Variants in ERC2 observed in about 807,000 individuals in gnomAD.
ERC2 encodes the protein ERC protein 2.
ERC2 carries 42 observed loss-of-function variants against 114.8 expected under a neutral mutation model. The ratio of observed to expected loss-of-function variants is 0.37; its 90% CI spans 0.29 to 0.47. The LOEUF is 0.47. ERC2 is among the 20% of genes least tolerant of loss of function. ERC2 has a pLI of 0.99. For missense variants in ERC2, 939 were observed against 1,150.7 expected, an observed-to-expected ratio of 0.82 and a Z score of 2.66; for synonymous variants, 454 against 425.5, an observed-to-expected ratio of 1.07 and a Z score of -0.82.
intron 13 of ERC2, among the ~76,000 whole-genome samples, chr3:55,914,118 T>C (rs147604681): frequency 6.6e-5 from 10 of 152,256 alleles, no homozygotes; most frequent in African/African-American, 2.4e-4. Flanking sequence ...AAGTGATCAA[T>C]TTAAAAAATA....
intron 13 of ERC2, among the ~76,000 whole-genome samples, chr3:55,946,397 T>C (rs1439035088): frequency 6.6e-6 from 1 of 152,242 alleles, no homozygotes; most frequent in African/African-American, 2.4e-5. Context: ...GGAATTTCCA[T>C]TTACTGGTGT....
chr3:56,064,582 C>T (rs1192842465), intron 7 of ERC2, among the ~76,000 whole-genome samples: 2 of 152,188 alleles, frequency 1.3e-5, no homozygotes, highest in African/African-American at 2.4e-5. Flanking sequence ...CTAAGGAAGA[C>T]CTCACCCTTG....
chr3:55,568,757 A>G (rs1237702188), intron 17 of ERC2, among the ~76,000 whole-genome samples: 1 of 152,162 alleles, frequency 6.6e-6, no homozygotes, highest in Non-Finnish European at 1.5e-5. Flanking sequence ...CTCAGGACCA[A>G]CATCTGCCAC....
At chr3:56,324,057 G>C (rs2057248256) in intron 2 of ERC2, among the ~76,000 whole-genome samples, 1 of 152,180 alleles carries the variant, frequency 6.6e-6, no homozygotes, top group Admixed American at 6.5e-5. Flanking sequence ...GCACATCACA[G>C]GCACAGCTAA....
At chr3:55,753,652 G>T (rs1277640928) in intron 14 of ERC2, among the ~76,000 whole-genome samples, 1 of 152,184 alleles carries the variant, frequency 6.6e-6, no homozygotes, top group Non-Finnish European at 1.5e-5. Context: ...TGGCTAATGG[G>T]AATTTCACTG....
chr3:56,189,979 G>A (rs1390203166), intron 3 of ERC2, among the ~76,000 whole-genome samples: 2 of 152,194 alleles, frequency 1.3e-5, no homozygotes, highest in African/African-American at 4.8e-5. Flanking sequence ...GAGACAGGTG[G>A]CATTAGTGAG....
chr3:56,151,465 G>A lies in ERC2; in HGVS notation c.1150-2333C>T, dbSNP rs192396316. On this transcript the variant is annotated intron_variant, in intron 4 of 17. Coordinates refer to ENST00000288221, the MANE Select transcript of ERC2 (RefSeq NM_015576.3). ...AAAAGTAGGTAGGAGAATATCATTA[G>A]GATTCAAAGGAAAACTGACACAAAA... Among the ~76,000 whole-genome samples the A allele has an allele frequency of 5.2e-3, 787 of 152,264 alleles. 8 individuals carry two copies. Among genetic ancestry groups the A allele is most frequent in the Admixed American group, 0.011 (174 of 15,294 alleles).
At chr3:56,040,734 CTA>C (rs1337499920) in intron 7 of ERC2, among the ~76,000 whole-genome samples, 10 of 133,820 alleles carry the variant, frequency 7.5e-5, no homozygotes, top group South Asian at 2.4e-4. Flanking sequence ...AGATATATCT[CTA>C]TATATATAGA....
chr3:56,172,510 T>C (rs2082729047), intron 4 of ERC2, among the ~76,000 whole-genome samples: 1 of 152,172 alleles, frequency 6.6e-6, no homozygotes, highest in Non-Finnish European at 1.5e-5. Flanking sequence ...GCAAGAAGGA[T>C]TGAGAAGATG....
At chr3:55,616,234 T>C (rs542720239) in intron 17 of ERC2, among the ~76,000 whole-genome samples, 1 of 152,338 alleles carries the variant, frequency 6.6e-6, no homozygotes, top group East Asian at 1.9e-4. Context: ...TTTTCTTTAG[T>C]TGAGAAAATA....
rs115554962 is a variant in ERC2, at chr3:56,363,178, G to C, written c.658-66743C>G. Among the ~76,000 whole-genome samples, 1,159 of 152,294 alleles carry C rather than the reference G, an allele frequency of 7.6e-3. 15 individuals carry two copies. Among genetic ancestry groups the C allele is most frequent in the African/African-American group, 0.026 (1,101 of 41,562 alleles). On this transcript the variant is annotated intron_variant, in intron 2 of 17. Coordinates refer to ENST00000288221, the MANE Select transcript of ERC2 (RefSeq NM_015576.3). ...ATGGAAAGGAATGCAATGAGAAATA[G>C]ATTAAATGCATAATCAAAGCTTAGG... is the stretch of plus-strand genomic sequence containing the variant.
chr3:55,512,379 A>G (rs1051711337), intron 17 of ERC2, among the ~76,000 whole-genome samples: 1 of 152,222 alleles, frequency 6.6e-6, no homozygotes, highest in Admixed American at 6.5e-5. Flanking sequence ...GAGTTCCTAG[A>G]GCAGATCATA....
At chr3:55,786,607 C>T (rs554549861) in intron 14 of ERC2, among the ~76,000 whole-genome samples, 5 of 152,136 alleles carry the variant, frequency 3.3e-5, no homozygotes, top group African/African-American at 7.2e-5. Context: ...GTACTGGGTA[C>T]GTACTATTAT....
intron 14 of ERC2, among the ~76,000 whole-genome samples, chr3:55,849,916 C>T (rs1025620164): frequency 4.6e-5 from 7 of 152,138 alleles, no homozygotes; most frequent in African/African-American, 1.4e-4. Context: ...AATAAATTAC[C>T]GCTATGGTAA....
At chr3:56,097,126 C>T (rs1466541403) in intron 6 of ERC2, among the ~76,000 whole-genome samples, 6 of 152,168 alleles carry the variant, frequency 3.9e-5, no homozygotes, top group Non-Finnish European at 7.3e-5. Context: ...ACACCAAACT[C>T]TGTGCAAATT....
intron 1 of ERC2, among the ~76,000 whole-genome samples, chr3:56,443,698 T>C (rs952545314): frequency 1.3e-5 from 2 of 151,998 alleles, no homozygotes; most frequent in South Asian, 4.1e-4. Flanking sequence ...TTCTCATCTA[T>C]CCTGATTTGT....
chr3:55,583,305 T>C (rs891987444), intron 17 of ERC2, among the ~76,000 whole-genome samples: 3 of 152,166 alleles, frequency 2.0e-5, no homozygotes, highest in African/African-American at 7.2e-5. Context: ...ATCTGTTAGC[T>C]ACTGGCTGGT....
chr3:55,571,997 T>C (rs976393846), intron 17 of ERC2, among the ~76,000 whole-genome samples: 6 of 152,186 alleles, frequency 3.9e-5, no homozygotes, highest in African/African-American at 1.4e-4. Context: ...ATTCAGGTGT[T>C]CCCTCTAGAC....
At chr3:56,191,956 A>G (rs996057887) in intron 3 of ERC2, among the ~76,000 whole-genome samples, 8 of 152,184 alleles carry the variant, frequency 5.3e-5, no homozygotes, top group Non-Finnish European at 8.8e-5. Context: ...ACTATAGTCA[A>G]TATTTCAGGT....
Sources: allele counts gnomAD v4.1 joint callset (sites outside exome capture counted in the v4.1 genomes callset), GRCh38; gene constraint gnomAD v4.1.1; transcripts MANE v1.5; gene names NCBI Gene and HGNC (gene_info 2026-07-23, HGNC 2026-07-21).